Variants in LAMB4 observed in about 807,000 individuals in gnomAD.
LAMB4 encodes the protein laminin subunit beta 4.
A neutral mutation model predicts 199.2 loss-of-function variants in LAMB4; 196 were observed. The ratio of observed to expected loss-of-function variants is 0.98; its 90% CI spans 0.88 to 1.11. LAMB4 has a LOEUF of 1.11. LAMB4 is among the 50% of genes least tolerant of loss of function. LAMB4 has a pLI of 0.00. For synonymous variants in LAMB4, 744 were observed against 770.6 expected (o/e 0.97, Z 0.57); for missense variants, 2,080 against 2,171.2 (o/e 0.96, Z 0.83).
the LAMB4 span, among the ~76,000 whole-genome samples, chr7:108,016,717 AT>A: frequency 3.3e-5 from 5 of 152,212 alleles, no homozygotes; most frequent in African/African-American, 7.2e-5. Context: ...TCTGACAGTC[AT>A]TTTATATCTT....
intron 23 of LAMB4, among the ~76,000 whole-genome samples, chr7:108,060,313 T>C (rs1315533430): frequency 1.3e-5 from 2 of 152,224 alleles, no homozygotes; most frequent in African/African-American, 4.8e-5. Context: ...TCTAAGAAAC[T>C]TGCCACATAG....
intron 30 of LAMB4, among the ~76,000 whole-genome samples, 154 bp downstream of exon 30, chr7:108,037,234 A>T (rs1369031625): frequency 6.6e-6 from 1 of 152,168 alleles, no homozygotes; most frequent in African/African-American, 2.4e-5. Context: ...CTTCCCGGGG[A>T]ATCTCCAAAG....
At position 108,079,613 on chromosome 7, in the gene LAMB4, G is replaced by A. The variant is rs745537637; in HGVS notation, c.1875C>T (p.His625=). Residue 625 remains histidine, a synonymous_variant, in exon 15 of 34, where the codon CAC becomes CAT. Coordinates refer to ENST00000388781, the MANE Select transcript of LAMB4 (RefSeq NM_007356.3). The stretch of plus-strand genomic sequence containing the variant: ...AGTTAAAGGATACCTGGGTTTCATA[G>A]TGAATGGCAATGGTGAAGTCCACAG... ...PFPVDFTIAI[H]YETQSAADWT... The A allele has an allele frequency of 1.2e-6, 2 of 1,606,720 alleles. No homozygotes were observed. Among genetic ancestry groups the A allele is most frequent in the Non-Finnish European group, 1.7e-6 (2 of 1,177,456 alleles).
Position 108,060,462 on chromosome 7 carries a change from T to C in LAMB4, c.3282+2312A>G, listed in dbSNP as rs76129092. Among the ~76,000 whole-genome samples, 135 of 152,284 alleles carry C rather than the reference T, an allele frequency of 8.9e-4. 1 individual carries two copies. The highest frequency in any genetic ancestry group is 3.1e-3 in the African/African-American group (129 of 41,558). On this transcript the variant is annotated intron_variant, in intron 23 of 33. Transcript: ENST00000388781. ...TTATAAAACAGGCATGACCATCCAG[T>C]GTCCAGATCTTGGTTTCTAATACCA...
chr7:108,116,220 C>G (rs1414755326), intron 2 of LAMB4, 59 bp from the exon 3 acceptor site: 2 of 1,476,524 alleles, frequency 1.4e-6, no homozygotes, highest in Non-Finnish European at 1.8e-6. Flanking sequence ...ACAGGGCCTG[C>G]AGAAATGACT....
the LAMB4 span, among the ~76,000 whole-genome samples, chr7:108,014,298 G>A: frequency 6.6e-6 from 1 of 152,182 alleles, no homozygotes; most frequent in African/African-American, 2.4e-5. Context: ...AAATATGCAG[G>A]TACTTTCTAG....
intron 32 of LAMB4, 48 bp downstream of exon 32, chr7:108,030,758 A>G (rs573131185): frequency 1.3e-6 from 2 of 1,574,790 alleles, no homozygotes; most frequent in African/African-American, 1.4e-5. Flanking sequence ...CTATCTTTCA[A>G]AGAAGCCCTG....
chr7:108,046,310 C>T (rs1347744850), intron 28 of LAMB4, among the ~76,000 whole-genome samples: 1 of 148,828 alleles, frequency 6.7e-6, no homozygotes, highest in African/African-American at 2.5e-5. Flanking sequence ...AGGCTGGTCT[C>T]GAACTCCTGA....
chr7:108,061,168 C>T (rs2036147188), intron 23 of LAMB4, among the ~76,000 whole-genome samples: 1 of 152,148 alleles, frequency 6.6e-6, no homozygotes, highest in Admixed American at 6.6e-5. Context: ...GCCTGAGAAA[C>T]TGTCGCAGCC....
intron 22 of LAMB4, 61 bp downstream of exon 22, chr7:108,063,700 A>G (rs892562378): frequency 2.8e-6 from 4 of 1,417,822 alleles, no homozygotes; most frequent in Non-Finnish European, 4.0e-6. Context: ...GAGAGCTGAC[A>G]ACACACTTAT....
At chr7:108,038,239 A>C (rs1034906870) in intron 29 of LAMB4, among the ~76,000 whole-genome samples, 18 of 151,848 alleles carry the variant, frequency 1.2e-4, no homozygotes, top group African/African-American at 4.4e-4. Context: ...GGCTTACTGC[A>C]ACCTCTGACT....
intron 14 of LAMB4, among the ~76,000 whole-genome samples, chr7:108,085,986 G>A (rs550380516): frequency 7.8e-4 from 119 of 152,304 alleles, no homozygotes; most frequent in South Asian, 2.5e-3. Flanking sequence ...AGGTGCTGTT[G>A]TTCTGCTGCC....
intron 9 of LAMB4, among the ~76,000 whole-genome samples, chr7:108,104,020 A>G (rs575510654): frequency 2.0e-5 from 3 of 152,338 alleles, no homozygotes; most frequent in Non-Finnish European, 2.9e-5. Flanking sequence ...CAAAACCAGC[A>G]TCTTATTAGC....
At chr7:108,046,532 G>T (rs1002480867) in intron 28 of LAMB4, among the ~76,000 whole-genome samples, 2 of 151,846 alleles carry the variant, frequency 1.3e-5, no homozygotes, top group African/African-American at 4.8e-5. Context: ...AAACAGATTG[G>T]GGAGCACACC....
Position 108,069,780 on chromosome 7 carries a change from G to T in LAMB4, c.2230C>A (p.Pro744Thr), listed in dbSNP as rs774157052. 2 of 1,613,972 alleles carry T rather than the reference G, an allele frequency of 1.2e-6. No individual in the cohort carries two copies. Among genetic ancestry groups the T allele is most frequent in the Non-Finnish European group, 1.7e-6 (2 of 1,179,878 alleles). Residue 744 changes from proline to threonine, a missense_variant, in exon 18 of 34, where the codon CCT becomes ACT. Physicochemically the swap from Pro to Thr is conservative, Grantham distance 38. Coordinates refer to ENST00000388781, the MANE Select transcript of LAMB4 (RefSeq NM_007356.3). ...NCVEIASAMG[P>T]QVLPGACERL... Reference sequence around the variant, plus strand: ...TCACAGGCACCCGGGAGCACTTGAGGTCCCATTGCTGAGGCAATTTCAACA... The same window carrying T: ...TCACAGGCACCCGGGAGCACTTGAGTTCCCATTGCTGAGGCAATTTCAACA...
chr7:108,092,306 G>C (rs1282958103), intron 13 of LAMB4, 31 bp downstream of exon 13: 1 of 1,538,220 alleles, frequency 6.5e-7, no homozygotes, highest in Non-Finnish European at 9.0e-7. Flanking sequence ...GTTTAAATAA[G>C]GAATATTGCT....
chr7:108,060,870 T>A (rs1007567235), intron 23 of LAMB4, among the ~76,000 whole-genome samples: 18 of 152,382 alleles, frequency 1.2e-4, no homozygotes, highest in African/African-American at 3.8e-4. Flanking sequence ...CATAGCTCCC[T>A]ACTCCTTAAG....
chr7:108,067,964 A>C, intron 19 of LAMB4, 52 bp downstream of exon 19: 1 of 1,610,992 alleles, frequency 6.2e-7, no homozygotes, highest in South Asian at 1.1e-5. Context: ...GCCTGCTGTC[A>C]AAATGTCAAG....
intron 10 of LAMB4, among the ~76,000 whole-genome samples, chr7:108,099,886 T>C (rs559221899): frequency 6.6e-6 from 1 of 152,350 alleles, no homozygotes; most frequent in Non-Finnish European, 1.5e-5. Flanking sequence ...TTGTTACTTG[T>C]TATTGTTTTG....
Sources: gnomAD v4.1 joint callset for allele counts (sites outside exome capture counted in the v4.1 genomes callset) on GRCh38, gnomAD v4.1.1 for gene constraint, MANE v1.5 for transcripts, NCBI Gene and HGNC (gene_info 2026-07-23, HGNC 2026-07-21) for gene names.